Variants in PDE5A observed in about 807,000 individuals in gnomAD.
PDE5A encodes the protein cGMP-specific 3',5'-cyclic phosphodiesterase.
PDE5A carries 67 observed loss-of-function variants against 110.2 expected under a neutral mutation model. The observed-to-expected ratio is 0.61, with a 90% CI of 0.50 to 0.75. PDE5A has a LOEUF of 0.75. Among genes scored for constraint, PDE5A ranks in the 30% least tolerant of loss-of-function variants. PDE5A has a pLI of 0.00. For missense variants in PDE5A, 862 were observed against 1,045.1 expected (o/e 0.82, Z 2.42); for synonymous variants, 328 against 351.2 (o/e 0.93, Z 0.74).
rs899124883 is a variant in PDE5A, at chr4:119,579,096, C to T, written c.832-11952G>A. ...AAAAGACACATGAAAAAATGCTCAT[C>T]ATCACTGGCCATCAGAGAAATGCAA... On this transcript the variant is annotated intron_variant, in intron 3 of 20. Transcript: ENST00000354960. 9.7e-4 allele frequency among the ~76,000 whole-genome samples: 147 copies of T among 152,184 alleles called. No individual in the cohort carries two copies. In the Middle Eastern group the frequency reaches 0.01, roughly 11 times the overall value.
intron 2 of PDE5A, among the ~76,000 whole-genome samples, chr4:119,603,369 A>AAAAT (rs1194505356): frequency 9.5e-6 from 1 of 105,174 alleles, no homozygotes; most frequent in African/African-American, 3.4e-5. Flanking sequence ...ACTCTGGCTT[A>AAAAT]AAATAAATAC....
At chr4:119,534,687 TATA>T (rs1040929772) in intron 11 of PDE5A, among the ~76,000 whole-genome samples, 2 of 152,180 alleles carry the variant, frequency 1.3e-5, no homozygotes, top group Non-Finnish European at 2.9e-5. Flanking sequence ...TTTTTCCATT[TATA>T]ATCTGGCCAT....
At chr4:119,528,589 T>C (rs368568235) in intron 11 of PDE5A, among the ~76,000 whole-genome samples, 33 of 152,156 alleles carry the variant, frequency 2.2e-4, no homozygotes, top group African/African-American at 6.0e-4. Flanking sequence ...GGGGTGCTAG[T>C]CCAGATGTTC....
At chr4:119,509,230 A>G (rs1261236091) in intron 15 of PDE5A, among the ~76,000 whole-genome samples, 1 of 152,048 alleles carries the variant, frequency 6.6e-6, no homozygotes. Context: ...AACTAAACCA[A>G]GAATTGGTTC....
At chr4:119,526,266 C>T (rs1578744465) in intron 11 of PDE5A, among the ~76,000 whole-genome samples, 1 of 152,140 alleles carries the variant, frequency 6.6e-6, no homozygotes, top group Non-Finnish European at 1.5e-5. Context: ...GGCCTCCAGT[C>T]CAGGAAGACT....
chr4:119,628,013 T>C, intron 1 of PDE5A: 1 of 985,072 alleles, frequency 1.0e-6, no homozygotes, highest in South Asian at 4.7e-5. Flanking sequence ...GGTTCCGTCA[T>C]GTTGCCTTTG....
chr4:119,625,011 CTTTT>C (rs536749949), intron 1 of PDE5A, among the ~76,000 whole-genome samples: 2 of 139,286 alleles, frequency 1.4e-5, no homozygotes, highest in African/African-American at 5.3e-5. Context: ...CAAGTTATAG[CTTTT>C]TTTTTTTTTT....
At chr4:119,610,104 T>G (rs548408316) in intron 1 of PDE5A, among the ~76,000 whole-genome samples, 1 of 152,318 alleles carries the variant, frequency 6.6e-6, no homozygotes, top group East Asian at 1.9e-4. Context: ...TGTCCTAATG[T>G]TTCATAGATG....
At chr4:119,584,131 G>A (rs181744760) in intron 3 of PDE5A, among the ~76,000 whole-genome samples, 1 of 152,310 alleles carries the variant, frequency 6.6e-6, no homozygotes, top group East Asian at 1.9e-4. Context: ...TATGGACTCA[G>A]ATGCTGGAGC....
chr4:119,574,179 C>CTTTTTTT (rs70944893), intron 3 of PDE5A, among the ~76,000 whole-genome samples: 17 of 89,200 alleles, frequency 1.9e-4, no homozygotes, highest in Non-Finnish European at 2.3e-4. Flanking sequence ...AAAATATAGG[C>CTTTTTTT]TTTTTTTTTT....
chr4:119,496,814 G>C lies in PDE5A; in HGVS notation c.*1787C>G, dbSNP rs200994304. 1 of 152,280 alleles carries C rather than the reference G, an allele frequency of 6.6e-6. No homozygotes were observed. Among genetic ancestry groups the C allele is most frequent in the Non-Finnish European group, 1.5e-5 (1 of 67,954 alleles). The allele number at this position is 152,280 out of a possible 1,614,324, so 9.4% of individuals were successfully genotyped here. On this transcript the variant is annotated 3_prime_UTR_variant, in exon 21 of 21. Transcript: ENST00000354960. ...AGGGGCAACCTTACAAATTTTATCT[G>C]TATGGCAAAAAAAATAAAATATCCT... is the stretch of plus-strand genomic sequence containing the variant.
At chr4:119,516,626 C>T (rs922713655) in intron 14 of PDE5A, among the ~76,000 whole-genome samples, 3 of 147,022 alleles carry the variant, frequency 2.0e-5, no homozygotes, top group Non-Finnish European at 4.6e-5. Context: ...TGAGATCATT[C>T]TTTTTTTTTT....
In PDE5A at chr4:119,541,390, CAT is replaced by C. The variant is rs1181137015; in HGVS notation, c.1572+1067_1572+1068del. 3.3e-5 allele frequency among the ~76,000 whole-genome samples: 5 copies of C among 151,396 alleles called. No individual in the cohort carries two copies. In the South Asian group the frequency reaches 6.2e-4, roughly 19 times the overall value. ...TTAAAGCTATTTGAACACATATGTA[CAT>C]GTGTATATGCACCTAATTGAAACTA... On this transcript the variant is annotated intron_variant, in intron 10 of 20. Transcript: ENST00000354960.
chr4:119,542,370 A>AAC (rs988239683), intron 10 of PDE5A, 89 bp downstream of exon 10: 31 of 1,199,318 alleles, frequency 2.6e-5, no homozygotes, highest in African/African-American at 1.4e-4. Flanking sequence ...ACAATGACGG[A>AAC]ACACACACAC....
rs547360832 is a variant in PDE5A at position 119,589,753 on chromosome 4, C to A, written c.831+6770G>T. 2.0e-5 allele frequency among the ~76,000 whole-genome samples: 3 copies of A among 152,230 alleles called. No individual in the cohort carries two copies. In the South Asian group the frequency reaches 6.2e-4, roughly 32 times the overall value. On this transcript the variant is annotated intron_variant, in intron 3 of 20. Transcript: ENST00000354960. The stretch of plus-strand genomic sequence containing the variant: ...CTTATAAATTCCTCTTAAGGCAATA[C>A]AGAGGATGTGACTATGATCTCTCTC...
At chr4:119,561,935 C>T (rs1244823185) in intron 6 of PDE5A, among the ~76,000 whole-genome samples, 1 of 152,160 alleles carries the variant, frequency 6.6e-6, no homozygotes, top group Non-Finnish European at 1.5e-5. Flanking sequence ...TTTTATTATT[C>T]TACTTTGCCC....
chr4:119,627,264 G>A lies in PDE5A; in HGVS notation c.152+1256C>T, dbSNP rs895889401. 5 of 1,576,362 alleles carry A rather than the reference G, an allele frequency of 3.2e-6. No homozygotes were observed. Among genetic ancestry groups the A allele is most frequent in the Admixed American group, 3.5e-5 (2 of 56,850 alleles). On this transcript the variant is annotated intron_variant, in intron 1 of 20. Transcript: ENST00000354960. This position sits in a 1 kb window ranked among gnomAD's most constrained non-coding sequence, Gnocchi z 4.6. ...GCAACAACGCGCGCAGGTGAGGTGAGGTGAGGTCGGCGACTCAGAACCAGC... is the reference window on the plus strand; with the variant it reads ...GCAACAACGCGCGCAGGTGAGGTGAAGTGAGGTCGGCGACTCAGAACCAGC...
At chr4:119,608,865 A>G (rs1729635015) in intron 1 of PDE5A, among the ~76,000 whole-genome samples, 1 of 152,204 alleles carries the variant, frequency 6.6e-6, no homozygotes, top group Admixed American at 6.5e-5. Context: ...TTGTAGTAAC[A>G]ATTGATATTA....
rs1726971647 is a variant in PDE5A, at chr4:119,542,563, G to C, written c.1468C>G (p.Gln490Glu). Residue 490 changes from glutamine to glutamate, a missense_variant, in exon 10 of 21, where the codon CAG becomes GAG. Transcript: ENST00000354960. ...AAGATGACAAAAGCTTCCAGAAACT[G>C]TTCGTCATTTCGGTTGAAAGGCTTA... ...KVKPFNRNDE[Q>E]FLEAFVIFCG... The C allele has an allele frequency of 6.2e-7, 1 of 1,613,936 alleles. No individual in the cohort carries two copies. Among genetic ancestry groups the C allele is most frequent in the Non-Finnish European group, 8.5e-7 (1 of 1,179,908 alleles).
Sources: allele counts gnomAD v4.1 joint callset (sites outside exome capture counted in the v4.1 genomes callset), GRCh38; gene constraint gnomAD v4.1.1; non-coding constraint Gnocchi (gnomAD v3.1); transcripts MANE v1.5; gene names NCBI Gene and HGNC (gene_info 2026-07-23, HGNC 2026-07-21).